The following NCOA1 variants were observed in gnomAD, a reference collection of about 807,000 sequenced individuals.
NCOA1 encodes Hin-2 protein.
NCOA1 carries 35 observed loss-of-function variants against 150.9 expected under a neutral mutation model. That is an observed-to-expected ratio of 0.23 (90% confidence interval 0.18 to 0.31). NCOA1 has a LOEUF of 0.31. NCOA1 is among the 10% of genes least tolerant of loss of function. NCOA1 has a pLI of 1.00. For synonymous variants in NCOA1, 590 were observed against 630.0 expected (o/e 0.94, Z 0.95); for missense variants, 1,491 against 1,749.3 (o/e 0.85, Z 2.63).
intron 11 of NCOA1, among the ~76,000 whole-genome samples, chr2:24,698,364 C>T (rs1672998613): frequency 6.6e-6 from 1 of 152,036 alleles, no homozygotes; most frequent in African/African-American, 2.4e-5. Flanking sequence ...CTGTTTACTT[C>T]ATGACTGTTG....
At chr2:24,571,333 T>C (rs1289944477) in intron 2 of NCOA1, among the ~76,000 whole-genome samples, 1 of 152,210 alleles carries the variant, frequency 6.6e-6, no homozygotes, top group Non-Finnish European at 1.5e-5. Context: ...CCTGCTCAGT[T>C]ATATTTCTGA....
intron 17 of NCOA1, among the ~76,000 whole-genome samples, chr2:24,736,699 A>G (rs1262937955): frequency 2.0e-5 from 3 of 152,150 alleles, no homozygotes; most frequent in African/African-American, 7.2e-5. Context: ...GCATTTTAAC[A>G]TTTGGGGCTG....
chr2:24,752,174 A>G lies in NCOA1; in HGVS notation c.3881+18A>G, dbSNP rs1340135259. ...AACAACAAGTAAGGGGGCAGTTTTT[A>G]TATATGAGCATCCTTGATACTGTGA... is the stretch of plus-strand genomic sequence containing the variant. On this transcript the variant is annotated intron_variant, in intron 20 of 22. Coordinates refer to ENST00000348332, the MANE Select transcript of NCOA1 (RefSeq NM_003743.5). The G allele has an allele frequency of 6.2e-7, 1 of 1,610,212 alleles. No homozygotes were observed. The highest frequency in any genetic ancestry group is 8.5e-7 in the Non-Finnish European group (1 of 1,177,078).
At chr2:24,541,318 T>A (rs1175433619) in intron 1 of NCOA1, among the ~76,000 whole-genome samples, 1 of 152,116 alleles carries the variant, frequency 6.6e-6, no homozygotes, top group East Asian at 1.9e-4. Context: ...CCAAGAATCA[T>A]GTCATGGAAA....
intron 3 of NCOA1, among the ~76,000 whole-genome samples, chr2:24,633,999 A>C (rs993350056): frequency 5.9e-5 from 9 of 152,234 alleles, no homozygotes; most frequent in African/African-American, 2.2e-4. Flanking sequence ...TATGAACAGA[A>C]CACATGCACA....
intron 4 of NCOA1, among the ~76,000 whole-genome samples, chr2:24,653,378 C>T (rs989357341): frequency 6.6e-6 from 1 of 152,010 alleles, no homozygotes; most frequent in South Asian, 2.1e-4. Context: ...CTGTTTTTTT[C>T]CCATTGAAAG....
At chr2:24,540,825 GACAA>G (rs1665362838) in intron 1 of NCOA1, among the ~76,000 whole-genome samples, 1 of 152,164 alleles carries the variant, frequency 6.6e-6, no homozygotes, top group African/African-American at 2.4e-5. Flanking sequence ...AGCATAAGGA[GACAA>G]ACAAAAGAGA....
At chr2:24,704,000 G>A (rs1287152013) in intron 11 of NCOA1, among the ~76,000 whole-genome samples, 5 of 152,030 alleles carry the variant, frequency 3.3e-5, no homozygotes, top group African/African-American at 4.8e-5. Flanking sequence ...TAGCCTTTAC[G>A]TATTTAATAA....
chr2:24,538,259 CAT>C (rs1385314579), intron 1 of NCOA1, among the ~76,000 whole-genome samples: 2 of 152,170 alleles, frequency 1.3e-5, no homozygotes, highest in Admixed American at 1.3e-4. Flanking sequence ...AAAGAACAGT[CAT>C]ATTCAAAAGC....
At chr2:24,603,035 A>G (rs944516731) in intron 3 of NCOA1, among the ~76,000 whole-genome samples, 5 of 152,224 alleles carry the variant, frequency 3.3e-5, no homozygotes, top group African/African-American at 4.8e-5. Flanking sequence ...TACCTACAAG[A>G]TATTGTGGGT....
At position 24,670,562 on chromosome 2, in the gene NCOA1, A is replaced by C. The variant is rs369120186; in HGVS notation, c.257-2804A>C. On this transcript the variant is annotated intron_variant, in intron 6 of 22. Transcript: ENST00000348332. ...CTGAAAACATGCTAAGCCAAAGAAG[A>C]AGCCGAGTCACATATGACCACATAT... 1.2e-3 allele frequency among the ~76,000 whole-genome samples: 190 copies of C among 152,340 alleles called. 3 individuals are homozygous for C. The South Asian group carries it at 0.016, about 13-fold the overall frequency.
chr2:24,562,997 AT>A (rs1447448827), intron 1 of NCOA1, among the ~76,000 whole-genome samples: 2 of 152,140 alleles, frequency 1.3e-5, no homozygotes, highest in Admixed American at 6.5e-5. Context: ...ACTCTGGAGA[AT>A]TTTGTCTTTG....
At chr2:24,685,818 G>T (rs1354025067) in intron 8 of NCOA1, among the ~76,000 whole-genome samples, 1 of 152,150 alleles carries the variant, frequency 6.6e-6, no homozygotes, top group Non-Finnish European at 1.5e-5. Flanking sequence ...CTGAATGATA[G>T]ATCTACAATT....
chr2:24,756,991 C>G (rs1322610342), intron 20 of NCOA1, among the ~76,000 whole-genome samples: 1 of 152,078 alleles, frequency 6.6e-6, no homozygotes, highest in Non-Finnish European at 1.5e-5. Context: ...CTGATAAGAC[C>G]TTGGAAGTCT....
intron 7 of NCOA1, among the ~76,000 whole-genome samples, chr2:24,678,335 G>A (rs1156513710): frequency 6.6e-6 from 1 of 152,156 alleles, no homozygotes; most frequent in Non-Finnish European, 1.5e-5. Context: ...TGTGAATAGT[G>A]CTGTGATGAA....
chr2:24,541,506 T>C (rs569786570), intron 1 of NCOA1, among the ~76,000 whole-genome samples: 2 of 152,360 alleles, frequency 1.3e-5, no homozygotes, highest in South Asian at 4.1e-4. Flanking sequence ...GTATTTGTCA[T>C]GTGCAATGGA....
At chr2:24,505,650 C>G (rs1572357363) in intron 1 of NCOA1, among the ~76,000 whole-genome samples, 2 of 152,212 alleles carry the variant, frequency 1.3e-5, no homozygotes, top group East Asian at 1.9e-4. Flanking sequence ...ACCCCTCCCC[C>G]CATTCTTTTT....
intron 1 of NCOA1, among the ~76,000 whole-genome samples, chr2:24,530,318 C>T (rs1664830669): frequency 6.6e-6 from 1 of 152,172 alleles, no homozygotes; most frequent in Non-Finnish European, 1.5e-5. Flanking sequence ...TAGTGAGAAT[C>T]TTTCTTGTGA....
intron 2 of NCOA1, among the ~76,000 whole-genome samples, chr2:24,571,087 A>T (rs1475104712): frequency 6.6e-6 from 1 of 152,258 alleles, no homozygotes; most frequent in Middle Eastern, 3.4e-3. Flanking sequence ...TGAAATATTG[A>T]TGTAACGAAA....
Sources: gnomAD v4.1 joint callset for allele counts (sites outside exome capture counted in the v4.1 genomes callset) on GRCh38, gnomAD v4.1.1 for gene constraint, MANE v1.5 for transcripts, NCBI Gene and HGNC (gene_info 2026-07-23, HGNC 2026-07-21) for gene names.